PJVK: variants seen among roughly 807,000 people sequenced by gnomAD.
PJVK encodes the protein autosomal recessive deafness type 59 protein.
Under a neutral mutation model 37.6 loss-of-function variants are expected in PJVK, and 33 were observed. The ratio of observed to expected loss-of-function variants is 0.88; its 90% confidence interval spans 0.67 to 1.17. PJVK has a LOEUF of 1.17. PJVK is among the 50% of genes most tolerant of loss of function. PJVK has a pLI of 0.00. For missense variants in PJVK, 410 were observed against 413.8 expected, an observed-to-expected ratio of 0.99 and a Z score of 0.08; for synonymous variants, 141 against 143.5, an observed-to-expected ratio of 0.98 and a Z score of 0.13.
Position 178,461,402 on chromosome 2 carries a change from G to T in PJVK, c.*128G>T. 1 of 1,020,182 alleles carries T rather than the reference G, an allele frequency of 9.8e-7. No individual in the cohort carries two copies. Among genetic ancestry groups the T allele is most frequent in the South Asian group, 1.4e-5 (1 of 69,916 alleles). 63.2% of individuals were successfully genotyped at this position (1,020,182 alleles called of 1,614,324 possible). On this transcript the variant is annotated 3_prime_UTR_variant, in exon 7 of 7. Coordinates refer to ENST00000644580, the MANE Select transcript of PJVK (RefSeq NM_001042702.5). ...AAAGCAAAAAGAAATTAACCTGTCT[G>T]GGTATCATATTCCCTATCTATAAAG... is the stretch of plus-strand genomic sequence containing the variant.
chr2:178,455,810 T>G (rs1283547132), intron 3 of PJVK, among the ~76,000 whole-genome samples, 200 bp from the exon 4 acceptor site: 1 of 152,240 alleles, frequency 6.6e-6, no homozygotes, highest in East Asian at 1.9e-4. Context: ...AGTGAAACAT[T>G]CTGCATAAGC....
chr2:178,461,027 A>G lies in PJVK; in HGVS notation c.812A>G (p.Asp271Gly), dbSNP rs776232376. ...DVISRSQLYL[D>G]DLFSDYYDKP... is the part of the protein sequence containing the mutation. ...ATTTCTCGTTCACAGCTTTACTTGGATGATCTTTTTTCTGACTACTATGAC... is the reference window on the plus strand; with the variant it reads ...ATTTCTCGTTCACAGCTTTACTTGGGTGATCTTTTTTCTGACTACTATGAC... Residue 271 changes from aspartate to glycine, a missense_variant, in exon 7 of 7, where the codon GAT becomes GGT. Coordinates refer to ENST00000644580, the MANE Select transcript of PJVK (RefSeq NM_001042702.5). 1.2e-5 allele frequency: 19 copies of G among 1,613,954 alleles called. No individual in the cohort carries two copies. In the East Asian group the frequency reaches 4.0e-4, roughly 34 times the overall value.
chr2:178,451,787 A>G lies in PJVK; in HGVS notation c.-23+18A>G, dbSNP rs890443114. 1 of 985,298 alleles carries G rather than the reference A, an allele frequency of 1.0e-6. No homozygotes were observed. The highest frequency in any genetic ancestry group is 1.1e-4 in the East Asian group (1 of 8,798). 61.0% of individuals were successfully genotyped at this position (985,298 alleles called of 1,614,324 possible). A position where few individuals can be genotyped will look rare whatever the true frequency, so the allele number is the denominator to read the frequency against. On this transcript the variant is annotated intron_variant, in intron 1 of 6. Coordinates refer to ENST00000644580, the MANE Select transcript of PJVK (RefSeq NM_001042702.5). ...AACGCTGGGTCAGTGCATCCCAGCA[A>G]AACACGTTAGGAGTAAACGAAGGCC...
At position 178,461,420 on chromosome 2, in the gene PJVK, C is replaced by A. The variant is rs1226205132; in HGVS notation, c.*146C>A. The A allele has an allele frequency of 1.2e-6, 1 of 814,620 alleles. No individual in the cohort carries two copies. Among genetic ancestry groups the A allele is most frequent in the Admixed American group, 2.6e-5 (1 of 38,360 alleles). The allele number at this position is 814,620 out of a possible 1,614,324, so 50.5% of individuals were successfully genotyped here. On this transcript the variant is annotated 3_prime_UTR_variant, in exon 7 of 7. Transcript: ENST00000644580. Reference sequence around the variant, plus strand: ...CCTGTCTGGGTATCATATTCCCTATCTATAAAGTAGCAATTATAACAGTAG... The same window carrying A: ...CCTGTCTGGGTATCATATTCCCTATATATAAAGTAGCAATTATAACAGTAG...
chr2:178,454,481 A>C lies in PJVK; in HGVS notation c.361A>C (p.Lys121Gln). The C allele has an allele frequency of 6.2e-7, 1 of 1,613,942 alleles. No homozygotes were observed. The highest frequency in any genetic ancestry group is 8.5e-7 in the Non-Finnish European group (1 of 1,179,964). ...AVKASFGIVT[K>Q]HEVEVSTLLK... ...GAAAGCTTCATTTGGTATAGTAACC[A>C]AACATGAAGTGGAAGTATCAACATT... The change falls in exon 3 of 7, where the codon AAA becomes CAA. Residue 121 changes from lysine to glutamine, a missense_variant. Physicochemically the swap from Lys to Gln is moderately conservative, Grantham distance 53. Transcript: ENST00000644580.
At chr2:178,452,977 G>C (rs1329423610) in intron 1 of PJVK, 1 of 181,004 alleles carries the variant, frequency 5.5e-6, no homozygotes, top group Non-Finnish European at 1.2e-5. Flanking sequence ...CTTTGGACTA[G>C]GTCCACTGTA....
Position 178,461,014 on chromosome 2 carries a change from C to T in PJVK, c.799C>T (p.Gln267Ter). 1 of 1,613,988 alleles carries T rather than the reference C, an allele frequency of 6.2e-7. No homozygotes were observed. The highest frequency in any genetic ancestry group is 8.5e-7 in the Non-Finnish European group (1 of 1,180,000). The change falls in exon 7 of 7, where the codon CAG becomes TAG. Residue 267 changes from glutamine to a stop codon, truncating the protein, a stop_gained. Coordinates refer to ENST00000644580, the MANE Select transcript of PJVK (RefSeq NM_001042702.5). LOFTEE classifies it high-confidence loss of function. ...RRVMDVISRS[Q>*]LYLDDLFSDY... ...AGTGATGGATGTCATTTCTCGTTCA[C>T]AGCTTTACTTGGATGATCTTTTTTC...
intron 6 of PJVK, among the ~76,000 whole-genome samples, chr2:178,460,707 G>T (rs1684438803): frequency 6.6e-6 from 1 of 151,956 alleles, no homozygotes; most frequent in African/African-American, 2.4e-5. Flanking sequence ...AAATTAGTTG[G>T]TTGCAGTGGT....
chr2:178,455,331 G>A, intron 3 of PJVK: 7 of 1,285,386 alleles, frequency 5.4e-6, no homozygotes, highest in Non-Finnish European at 7.9e-6. Context: ...AAGTCCATGG[G>A]GCTGCCAACC....
intron 3 of PJVK, chr2:178,455,472 C>G (rs1683991078): frequency 8.8e-7 from 1 of 1,131,950 alleles, no homozygotes; most frequent in Non-Finnish European, 1.3e-6. Flanking sequence ...GAGCTGCAAC[C>G]ACCCAACTTT....
intron 3 of PJVK, among the ~76,000 whole-genome samples, chr2:178,455,661 A>G (rs1434251251): frequency 2.6e-5 from 4 of 151,654 alleles, no homozygotes; most frequent in African/African-American, 9.7e-5. Flanking sequence ...AAAAAAAACC[A>G]CTTGGCTTAA....
intron 4 of PJVK, among the ~76,000 whole-genome samples, chr2:178,457,010 C>T (rs910259747): frequency 3.3e-5 from 5 of 152,064 alleles, no homozygotes; most frequent in Non-Finnish European, 7.4e-5. Context: ...GCTCTGTCCC[C>T]GAGGCTGGAG....
intron 5 of PJVK, chr2:178,460,056 A>G: frequency 2.8e-6 from 1 of 355,696 alleles, no homozygotes; most frequent in South Asian, 3.1e-5. Context: ...TGCTTATAAA[A>G]TATATGGAGT....
chr2:178,460,727 T>C (rs1684440442), intron 6 of PJVK, among the ~76,000 whole-genome samples: 1 of 151,748 alleles, frequency 6.6e-6, no homozygotes, highest in African/African-American at 2.4e-5. Flanking sequence ...TGTGCACCTG[T>C]AGTCCCAGCT....
In PJVK at chr2:178,456,615, A is replaced by G. The variant is rs146642080; in HGVS notation, c.549+464A>G. On this transcript the variant is annotated intron_variant, in intron 4 of 6. Transcript: ENST00000644580. ...ACCCCATCTCTACTGAAAATACAAA[A>G]ATTAGCCAGGTGTGGTGGTACACCC... 1.6e-3 allele frequency among the ~76,000 whole-genome samples: 250 copies of G among 152,260 alleles called. 2 individuals are homozygous for G. The highest frequency in any genetic ancestry group is 5.9e-3 in the African/African-American group (243 of 41,532).
intron 4 of PJVK, among the ~76,000 whole-genome samples, chr2:178,457,413 C>G (rs559628096): frequency 1.5e-4 from 23 of 152,084 alleles, no homozygotes; most frequent in Non-Finnish European, 2.5e-4. Flanking sequence ...ACCAGGAGTT[C>G]AAGACCAACT....
At chr2:178,459,411 T>C (rs1684345209) in intron 5 of PJVK, 2 of 324,850 alleles carry the variant, frequency 6.2e-6, no homozygotes, top group Admixed American at 4.0e-5. Flanking sequence ...TTTGTGGCTA[T>C]ATAGTAGATT....
chr2:178,457,875 A>G (rs1220836042), intron 4 of PJVK, among the ~76,000 whole-genome samples: 1 of 152,160 alleles, frequency 6.6e-6, no homozygotes, highest in Non-Finnish European at 1.5e-5. Flanking sequence ...AAAAATTGGA[A>G]AAGTATCTGT....
rs1263548414 is a variant in PJVK at position 178,461,897 on chromosome 2, T to C, written c.*623T>C. 1.3e-5 allele frequency among the ~76,000 whole-genome samples: 2 copies of C among 152,208 alleles called. No homozygotes were observed. The highest frequency in any genetic ancestry group is 4.8e-5 in the African/African-American group (2 of 41,454). On this transcript the variant is annotated 3_prime_UTR_variant, in exon 7 of 7. Transcript: ENST00000644580. ...CGTGCCTGGCCTAGATAACTTTTTA[T>C]ATAATTAAGAGATTTTTGTAAATAC...
Sources: allele counts gnomAD v4.1 joint callset (sites outside exome capture counted in the v4.1 genomes callset), GRCh38; gene constraint gnomAD v4.1.1; transcripts MANE v1.5; gene names NCBI Gene and HGNC (gene_info 2026-07-23, HGNC 2026-07-21).